Variants in PPM1E observed in about 807,000 individuals in gnomAD.
PPM1E encodes the protein protein phosphatase 1E.
In PPM1E, 20 loss-of-function variants were observed where a neutral mutation model predicts 65.9. The observed-to-expected ratio is 0.30, with a 90% confidence interval of 0.21 to 0.44. The LOEUF is 0.44. Ranked by LOEUF, PPM1E falls within the 20% of genes least tolerant of loss-of-function variation. The pLI is 1.00. For synonymous variants in PPM1E, 352 were observed against 374.9 expected (o/e 0.94, Z 0.70); for missense variants, 713 against 953.1 (o/e 0.75, Z 3.32).
chr17:58,779,087 G>A (rs1429980841), intron 1 of PPM1E, among the ~76,000 whole-genome samples: 1 of 150,804 alleles, frequency 6.6e-6, no homozygotes, highest in African/African-American at 2.4e-5. Context: ...CACAGTAGGA[G>A]ATATATTTTA....
chr17:58,838,668 G>A (rs1412051218), intron 1 of PPM1E, among the ~76,000 whole-genome samples: 3 of 152,132 alleles, frequency 2.0e-5, no homozygotes, highest in Non-Finnish European at 4.4e-5. Context: ...CGCATTTCTA[G>A]GTGCAATAGA....
At chr17:58,761,965 T>C (rs2049825389) in intron 1 of PPM1E, among the ~76,000 whole-genome samples, 1 of 152,242 alleles carries the variant, frequency 6.6e-6, no homozygotes, top group African/African-American at 2.4e-5. Context: ...GACATGTTTA[T>C]TGAGATTGGC....
chr17:58,772,013 A>G (rs1246389851), intron 1 of PPM1E, among the ~76,000 whole-genome samples: 4 of 152,098 alleles, frequency 2.6e-5, no homozygotes, highest in Non-Finnish European at 4.4e-5. Flanking sequence ...GTTATTCTCT[A>G]TTTTTCAGAT....
intron 1 of PPM1E, among the ~76,000 whole-genome samples, chr17:58,857,737 C>T (rs562806685): frequency 2.9e-4 from 44 of 152,042 alleles, no homozygotes; most frequent in African/African-American, 1.0e-3. Flanking sequence ...ACACAACAGA[C>T]GATTTTAAAA....
At chr17:58,759,082 A>G (rs1345938854) in intron 1 of PPM1E, among the ~76,000 whole-genome samples, 1 of 151,564 alleles carries the variant, frequency 6.6e-6, no homozygotes, top group Non-Finnish European at 1.5e-5. Context: ...CCCACCTTCC[A>G]CTCCCCCACC....
chr17:58,939,913 T>C (rs766679613), intron 1 of PPM1E, among the ~76,000 whole-genome samples: 2 of 152,196 alleles, frequency 1.3e-5, no homozygotes, highest in African/African-American at 2.4e-5. Flanking sequence ...TCTTGGACTA[T>C]ATTTGAGAGT....
chr17:58,812,894 T>TC (rs1260007456), intron 1 of PPM1E, among the ~76,000 whole-genome samples: 1 of 152,118 alleles, frequency 6.6e-6, no homozygotes, highest in Admixed American at 6.6e-5. Flanking sequence ...GTAGATTTCC[T>TC]CAAGTCTTTT....
chr17:58,938,211 C>A (rs1418741870), intron 1 of PPM1E, among the ~76,000 whole-genome samples: 1 of 152,070 alleles, frequency 6.6e-6, no homozygotes, highest in South Asian at 2.1e-4. Context: ...GAATTTTAGG[C>A]CTAGAATTGA....
chr17:58,951,868 G>A (rs559308057), intron 1 of PPM1E, among the ~76,000 whole-genome samples: 1 of 152,074 alleles, frequency 6.6e-6, no homozygotes, highest in South Asian at 2.1e-4. Context: ...TACGATTGGG[G>A]TTTGTTCCTG....
intron 1 of PPM1E, among the ~76,000 whole-genome samples, chr17:58,889,299 G>C (rs947439241): frequency 2.6e-5 from 4 of 152,044 alleles, no homozygotes; most frequent in African/African-American, 9.7e-5. Flanking sequence ...ATTGAAGAAA[G>C]CTTTTTAAAA....
intron 1 of PPM1E, among the ~76,000 whole-genome samples, chr17:58,935,334 G>A (rs911166492): frequency 2.0e-5 from 3 of 152,102 alleles, no homozygotes; most frequent in Non-Finnish European, 4.4e-5. Flanking sequence ...AGAGGATTCG[G>A]AAGTGCAAGG....
chr17:58,925,310 G>A (rs1255315603), intron 1 of PPM1E, among the ~76,000 whole-genome samples: 1 of 150,410 alleles, frequency 6.6e-6, no homozygotes, highest in African/African-American at 2.4e-5. Flanking sequence ...GTTTTTTTTT[G>A]CGTTTCTCTA....
intron 6 of PPM1E, among the ~76,000 whole-genome samples, chr17:58,976,981 G>C (rs1189668032): frequency 6.6e-6 from 1 of 151,916 alleles, no homozygotes; most frequent in African/African-American, 2.4e-5. Context: ...ATCCCATATT[G>C]GATTTTATTT....
At chr17:58,925,426 G>A (rs1315417855) in intron 1 of PPM1E, among the ~76,000 whole-genome samples, 2 of 151,760 alleles carry the variant, frequency 1.3e-5, no homozygotes, top group Non-Finnish European at 2.9e-5. Context: ...TGAAGGGGCT[G>A]TTTTTTTATT....
rs181462792 is a variant in PPM1E at position 58,897,296 on chromosome 17, C to T, written c.465-58353C>T. Among the ~76,000 whole-genome samples, 166 of 151,992 alleles carry T rather than the reference C, an allele frequency of 1.1e-3. 1 individual carries two copies. The highest frequency in any genetic ancestry group is 3.9e-3 in the African/African-American group (161 of 41,464). ...GGGCATGGTGGTGGGCGCCTGTAGTCCCAGCTACTTGGGAGGCTGAGGCAG... is the reference window on the plus strand; with the variant it reads ...GGGCATGGTGGTGGGCGCCTGTAGTTCCAGCTACTTGGGAGGCTGAGGCAG... On this transcript the variant is annotated intron_variant, in intron 1 of 6. Transcript: ENST00000308249.
chr17:58,787,625 G>A (rs1454045901), intron 1 of PPM1E, among the ~76,000 whole-genome samples: 7 of 151,936 alleles, frequency 4.6e-5, no homozygotes. Context: ...GTAAAGAAAT[G>A]GGGCCAGGCA....
At chr17:58,816,426 G>A (rs979772889) in intron 1 of PPM1E, among the ~76,000 whole-genome samples, 3 of 151,650 alleles carry the variant, frequency 2.0e-5, no homozygotes, top group African/African-American at 7.3e-5. Flanking sequence ...TCATTTTTGA[G>A]CATACAATTC....
At position 58,864,868 on chromosome 17, in the gene PPM1E, G is replaced by A. The variant is rs140987948; in HGVS notation, c.465-90781G>A. On this transcript the variant is annotated intron_variant, in intron 1 of 6. Coordinates refer to ENST00000308249, the MANE Select transcript of PPM1E (RefSeq NM_014906.5). ...GGATAATTGCTTGAACTCGGGAGGC[G>A]GAGGTTGCAGTGGGCCAAGACTGTA... Among the ~76,000 whole-genome samples the A allele has an allele frequency of 9.6e-4, 146 of 151,970 alleles. 1 individual carries two copies. The highest frequency in any genetic ancestry group is 3.3e-3 in the African/African-American group (138 of 41,440).
intron 1 of PPM1E, among the ~76,000 whole-genome samples, chr17:58,788,353 A>G (rs1334365245): frequency 1.3e-5 from 2 of 152,084 alleles, no homozygotes; most frequent in African/African-American, 4.8e-5. Context: ...CTTGATTTTC[A>G]TCCAAAGAGT....
Sources: allele counts gnomAD v4.1 joint callset (sites outside exome capture counted in the v4.1 genomes callset), GRCh38; gene constraint gnomAD v4.1.1; transcripts MANE v1.5; gene names NCBI Gene and HGNC (gene_info 2026-07-23, HGNC 2026-07-21).